The following CAMKK1 variants were observed in gnomAD, a reference collection of about 807,000 sequenced individuals.
The protein encoded by CAMKK1 is calcium/calmodulin-dependent protein kinase kinase 1.
A neutral mutation model predicts 63.5 loss-of-function variants in CAMKK1; 20 were observed. The ratio of observed to expected loss-of-function variants is 0.32; its 90% CI spans 0.22 to 0.46. The LOEUF (loss-of-function observed/expected upper bound fraction) is 0.46, where lower values mean the gene tolerates loss of function less well. Among genes scored for constraint, CAMKK1 ranks in the 20% least tolerant of loss-of-function variants. CAMKK1 has a pLI of 1.00. For synonymous variants in CAMKK1, 253 were observed against 269.0 expected, an observed-to-expected ratio of 0.94 and a Z score of 0.58; for missense variants, 588 against 658.1, an observed-to-expected ratio of 0.89 and a Z score of 1.17.
chr17:3,867,952 G>A (rs2054602279), intron 14 of CAMKK1, among the ~76,000 whole-genome samples: 1 of 150,646 alleles, frequency 6.6e-6, no homozygotes, highest in African/African-American at 2.4e-5. Flanking sequence ...CACAGGCACT[G>A]TCTAATGGAT....
At chr17:3,866,910 G>A (rs571796909) in intron 14 of CAMKK1, among the ~76,000 whole-genome samples, 5 of 152,196 alleles carry the variant, frequency 3.3e-5, no homozygotes, top group East Asian at 1.9e-4. Flanking sequence ...TAGAAGAGAC[G>A]GGGCTTCAGC....
intron 15 of CAMKK1, among the ~76,000 whole-genome samples, chr17:3,863,450 T>C (rs532341396): frequency 1.3e-5 from 2 of 152,250 alleles, no homozygotes; most frequent in South Asian, 4.2e-4. Flanking sequence ...GTGAGTTGAG[T>C]TTGCGCCACT....
At chr17:3,865,307 GGTTCCTCTCCCGTGGTCC>G in intron 15 of CAMKK1, 1 of 987,024 alleles carries the variant, frequency 1.0e-6, no homozygotes, top group Non-Finnish European at 1.2e-6. Context: ...GGCCAATGCG[GGTTCCTCTCCCGTGGTCC>G]ACCGGCCAGC....
chr17:3,872,487 G>C, intron 12 of CAMKK1, 67 bp downstream of exon 12: 2 of 1,390,702 alleles, frequency 1.4e-6, no homozygotes, highest in Non-Finnish European at 2.0e-6. Context: ...GAGGGCAAAA[G>C]CTCTGCTAAA....
intron 10 of CAMKK1, among the ~76,000 whole-genome samples, chr17:3,875,039 G>A (rs991648222): frequency 2.0e-5 from 3 of 151,932 alleles, no homozygotes; most frequent in African/African-American, 4.8e-5. Context: ...GGAGAATGGC[G>A]TGAACCCAGG....
chr17:3,865,810 G>A, intron 15 of CAMKK1, 98 bp downstream of exon 15: 1 of 1,560,588 alleles, frequency 6.4e-7, no homozygotes, highest in Middle Eastern at 1.7e-4. Flanking sequence ...CCAGGCTCTG[G>A]CCTTGGCCCA....
intron 10 of CAMKK1, among the ~76,000 whole-genome samples, chr17:3,875,387 T>C (rs2055101046): frequency 6.6e-6 from 1 of 151,878 alleles, no homozygotes; most frequent in African/African-American, 2.4e-5. Context: ...ACTCAAGCGA[T>C]CCTCCCACCT....
chr17:3,873,072 G>C (rs942810126), intron 11 of CAMKK1, among the ~76,000 whole-genome samples: 28 of 152,214 alleles, frequency 1.8e-4, no homozygotes, highest in African/African-American at 6.8e-4. Flanking sequence ...TAGGGGTGAA[G>C]GACAATTTGT....
intron 12 of CAMKK1, 134 bp from the exon 13 acceptor site, chr17:3,870,022 A>C: frequency 1.4e-6 from 1 of 706,006 alleles, no homozygotes; most frequent in Non-Finnish European, 2.5e-6. Flanking sequence ...ATTTCACAAC[A>C]AGGGCTTGGA....
rs1173881529 is a variant in CAMKK1, at chr17:3,884,737, A to G, written c.361-310T>C. Among the ~76,000 whole-genome samples the G allele has an allele frequency of 1.3e-5, 2 of 152,242 alleles. No homozygotes were observed. Among genetic ancestry groups the G allele is most frequent in the African/African-American group, 4.8e-5 (2 of 41,458 alleles). The stretch of plus-strand genomic sequence containing the variant: ...GGAGTCTGGAAGACCCTAATCCATG[A>G]GAAACCCATGAGCAACTATTTCCAG... On this transcript the variant is annotated intron_variant, in intron 2 of 15. Transcript: ENST00000348335. The surrounding 1 kb of genome is among the most constrained non-coding windows in gnomAD (Gnocchi z 4.5).
rs954595477 is a variant in CAMKK1 at position 3,884,308 on chromosome 17, C to T, written c.408+72G>A. The T allele has an allele frequency of 6.5e-7, 1 of 1,528,540 alleles. No individual in the cohort carries two copies. The highest frequency in any genetic ancestry group is 9.1e-7 in the Non-Finnish European group (1 of 1,103,626). The allele number at this position is 1,528,540 out of a possible 1,614,324, so 94.7% of individuals were successfully genotyped here. A position where few individuals can be genotyped will look rare whatever the true frequency, so the allele number is the denominator to read the frequency against. ...CCTGGCTCTGCCTCCCGTTCCCTCC[C>T]ACACGAGAGAAGGAGCAGCGCCAAA... On this transcript the variant is annotated intron_variant, in intron 3 of 15. Transcript: ENST00000348335. The surrounding 1 kb of genome is among the most constrained non-coding windows in gnomAD (Gnocchi z 4.5).
chr17:3,875,699 G>A (rs765072742), intron 10 of CAMKK1, among the ~76,000 whole-genome samples: 3 of 152,262 alleles, frequency 2.0e-5, no homozygotes, highest in Non-Finnish European at 2.9e-5. Context: ...AGGGAACTGC[G>A]CCAGACCGTG....
chr17:3,869,576 G>A lies in CAMKK1; in HGVS notation c.1252C>T (p.Pro418Ser), dbSNP rs267604880. ...ACGCTGCAGTGCTCCTCCTCCGAAG[G>A]AAGGGGCTCCTCCCCGTTCTTGGTC... Reference protein sequence around the residue: ...WVTKNGEEPLPSEEEHCSVVE... With the variant: ...WVTKNGEEPLSSEEEHCSVVE... Residue 418 changes from proline (P) to serine (S), a missense_variant, in exon 14 of 16, where the codon CCT becomes TCT. Around this residue, in one of 3 missense-constraint regions of CAMKK1, gnomAD observed 226 missense variants for 229.2 expected, o/e 0.99. Coordinates refer to ENST00000348335, the MANE Select transcript of CAMKK1 (RefSeq NM_032294.3). 6.2e-7 allele frequency: 1 copy of A among 1,614,236 alleles called. No homozygotes were observed. Among genetic ancestry groups the A allele is most frequent in the East Asian group, 2.2e-5 (1 of 44,878 alleles).
At chr17:3,863,517 A>G (rs1036063635) in intron 15 of CAMKK1, among the ~76,000 whole-genome samples, 2 of 152,012 alleles carry the variant, frequency 1.3e-5, no homozygotes, top group African/African-American at 2.4e-5. Flanking sequence ...CAAACAAAAA[A>G]CCAAAGCAGT....
rs191813916 is a variant in CAMKK1, at chr17:3,869,204, G to A, written c.1341+283C>T. On this transcript the variant is annotated intron_variant, in intron 14 of 15. Transcript: ENST00000348335. The stretch of plus-strand genomic sequence containing the variant: ...GATCTCCTGACCTCGTGATCTGCCC[G>A]CCTTGGCCTCCCAAAGTGCTGGGAT... 6.8e-3 allele frequency among the ~76,000 whole-genome samples: 1,029 copies of A among 151,990 alleles called. 4 individuals are homozygous for A. The highest frequency in any genetic ancestry group is 0.037 in the Middle Eastern group (11 of 294).
In CAMKK1 at chr17:3,868,150, CCGTCT is replaced by C; in HGVS notation, c.1341+1332_1341+1336del. Among the ~76,000 whole-genome samples, 12 of 19,786 alleles carry C rather than the reference CCGTCT, an allele frequency of 6.1e-4. 5 individuals are homozygous for C. The highest frequency in any genetic ancestry group is 9.6e-4 in the African/African-American group (2 of 2,084). The allele number at this position is 19,786 out of a possible 152,430, so 13.0% of individuals were successfully genotyped here. On this transcript the variant is annotated intron_variant, in intron 14 of 15. Transcript: ENST00000348335. ...GTGGGCTCTGGGGGAGAAGCAGGCG[CCGTCT>C]AACTGATACGTGGGCTCTGGGGGAG...
At chr17:3,880,240 G>T in intron 9 of CAMKK1, 106 bp downstream of exon 9, 1 of 955,396 alleles carries the variant, frequency 1.0e-6, no homozygotes, top group South Asian at 1.4e-5. Flanking sequence ...TGATTGGCAG[G>T]TCAGCTCTGA....
Position 3,893,014 on chromosome 17 carries a change from G to GCCCCACCCCGCCCCA in CAMKK1, c.-120_-119insTGGGGCGGGGTGGGG. The GCCCCACCCCGCCCCA allele has an allele frequency of 9.5e-6, 1 of 105,070 alleles. No individual in the cohort carries two copies. The highest frequency in any genetic ancestry group is 3.2e-5 in the African/African-American group (1 of 30,876). 6.5% of individuals were successfully genotyped at this position (105,070 alleles called of 1,614,324 possible). On this transcript the variant is annotated 5_prime_UTR_variant, in exon 1 of 16. Transcript: ENST00000348335. The surrounding 1 kb of genome is among the most constrained non-coding windows in gnomAD (Gnocchi z 4.6). ...CCTGCTGCGCGCCCCGCCCCGCCCC[G>GCCCCACCCCGCCCCA]CCCCGCCCCACCGCCTCGCTGGGGC...
In CAMKK1 at chr17:3,882,441, C is replaced by A. The variant is rs1193995181; in HGVS notation, c.685+87G>T. On this transcript the variant is annotated intron_variant, in intron 7 of 15. Transcript: ENST00000348335. The surrounding 1 kb of genome is among the most constrained non-coding windows in gnomAD (Gnocchi z 4.3). ...TCCCCAGGAGGTCAGTGCATTTACA[C>A]CGCCCACCTGAAGGTCATACATGTC... 1.3e-6 allele frequency: 2 copies of A among 1,584,090 alleles called. No individual in the cohort carries two copies. Among genetic ancestry groups the A allele is most frequent in the Non-Finnish European group, 1.7e-6 (2 of 1,153,616 alleles).
Sources: allele counts gnomAD v4.1 joint callset (sites outside exome capture counted in the v4.1 genomes callset), GRCh38; gene constraint gnomAD v4.1.1; regional missense constraint gnomAD v4.1.1; non-coding constraint Gnocchi (gnomAD v3.1); transcripts MANE v1.5; gene names NCBI Gene and HGNC (gene_info 2026-07-23, HGNC 2026-07-21).